Variants in PDE4D observed in about 807,000 individuals in gnomAD.
PDE4D encodes the protein 3',5'-cyclic-AMP phosphodiesterase 4D.
In PDE4D, 24 loss-of-function variants were observed where a neutral mutation model predicts 87.4. The observed-to-expected ratio is 0.27, with a 90% CI of 0.20 to 0.39. PDE4D has a LOEUF of 0.39. Ranked by LOEUF, PDE4D falls within the 10% of genes least tolerant of loss-of-function variation. PDE4D has a pLI of 1.00. For synonymous variants in PDE4D, 384 were observed against 383.2 expected, an observed-to-expected ratio of 1.00 and a Z score of -0.02; for missense variants, 714 against 1,041.0, an observed-to-expected ratio of 0.69 and a Z score of 4.32.
At chr5:59,452,322 C>T (rs936004348) in intron 1 of PDE4D, among the ~76,000 whole-genome samples, 11 of 152,090 alleles carry the variant, frequency 7.2e-5, no homozygotes, top group Non-Finnish European at 1.0e-4. Context: ...AAACAGCTTC[C>T]GACTAAGCTA....
intron 1 of PDE4D, among the ~76,000 whole-genome samples, chr5:59,625,050 A>AT (rs1830739133): frequency 6.6e-6 from 1 of 152,192 alleles, no homozygotes; most frequent in Non-Finnish European, 1.5e-5. Flanking sequence ...GGAAAAAGGA[A>AT]TTTTTGTAGA....
intron 3 of PDE4D, among the ~76,000 whole-genome samples, chr5:59,899,771 C>A (rs1343263972): frequency 1.3e-5 from 2 of 152,108 alleles, no homozygotes; most frequent in Non-Finnish European, 2.9e-5. Context: ...AAAGACATGG[C>A]AGCCAGCTTG....
chr5:59,612,480 C>T (rs1829138740), intron 1 of PDE4D, among the ~76,000 whole-genome samples: 1 of 151,998 alleles, frequency 6.6e-6, no homozygotes, highest in East Asian at 1.9e-4. Context: ...TTGACTGCCA[C>T]CATATGCTAA....
intron 1 of PDE4D, chr5:59,768,552 C>T (rs1173038807): frequency 6.3e-7 from 1 of 1,591,504 alleles, no homozygotes; most frequent in Non-Finnish European, 8.5e-7. Flanking sequence ...TCCAGGGCAA[C>T]GTGGTTCCCT....
At chr5:59,864,954 GCAGA>G (rs1475257309) in intron 1 of PDE4D, among the ~76,000 whole-genome samples, 1 of 152,182 alleles carries the variant, frequency 6.6e-6, no homozygotes, top group Middle Eastern at 3.2e-3. Flanking sequence ...CAGCACAGCA[GCAGA>G]CAGTCTCAGT....
At chr5:59,697,352 T>C (rs1263013170) in intron 1 of PDE4D, among the ~76,000 whole-genome samples, 3 of 152,118 alleles carry the variant, frequency 2.0e-5, no homozygotes, top group South Asian at 2.1e-4. Flanking sequence ...AAGAGGCACA[T>C]AGAGGGCCAA....
At chr5:59,008,514 T>G (rs1380661554) in intron 6 of PDE4D, among the ~76,000 whole-genome samples, 1 of 152,054 alleles carries the variant, frequency 6.6e-6, no homozygotes, top group Non-Finnish European at 1.5e-5. Context: ...CAACAAAGAA[T>G]GCTTGAACAA....
rs150730390 is a variant in PDE4D, at chr5:58,970,777, A to G, written c.*3887T>C. 222 of 152,246 alleles carry G rather than the reference A, an allele frequency of 1.5e-3. No individual in the cohort carries two copies. Among genetic ancestry groups the G allele is most frequent in the African/African-American group, 4.9e-3 (205 of 41,546 alleles). The allele number at this position is 152,246 out of a possible 1,614,324, so 9.4% of individuals were successfully genotyped here. A position where few individuals can be genotyped will look rare whatever the true frequency, so the allele number is the denominator to read the frequency against. ...TGATGAATAGATAACCAACACGAGT[A>G]AACTCTGGCTCCAATTTCAAATCAA... On this transcript the variant is annotated 3_prime_UTR_variant, in exon 15 of 15. Coordinates refer to ENST00000340635, the MANE Select transcript of PDE4D (RefSeq NM_001104631.2).
At chr5:60,303,717 A>G (rs1754157912) in intron 1 of PDE4D, among the ~76,000 whole-genome samples, 1 of 152,138 alleles carries the variant, frequency 6.6e-6, no homozygotes. Context: ...ACTTCCGGTT[A>G]TGTGATTAAT....
rs529078753 is a variant in PDE4D at position 59,488,166 on chromosome 5, C to CAA, written c.456-272200_456-272199dup. On this transcript the variant is annotated intron_variant, in intron 1 of 14. Transcript: ENST00000340635. The stretch of plus-strand genomic sequence containing the variant: ...TAAATCTTCTGACATCATCAAGAGC[C>CAA]AAAAAAAAAAAAAAAAAAAAAATGT... Among the ~76,000 whole-genome samples the CAA allele has an allele frequency of 3.7e-4, 40 of 107,284 alleles. No individual in the cohort carries two copies. The East Asian group carries it at 6.2e-3, about 17-fold the overall frequency. The allele number at this position is 107,284 out of a possible 152,430, so 70.4% of individuals were successfully genotyped here. A position where few individuals can be genotyped will look rare whatever the true frequency, so the allele number is the denominator to read the frequency against.
intron 3 of PDE4D, among the ~76,000 whole-genome samples, chr5:59,963,064 A>G (rs1182105438): frequency 1.3e-5 from 2 of 152,160 alleles, no homozygotes; most frequent in Non-Finnish European, 2.9e-5. Context: ...GTGTTATAGA[A>G]AGGGACACAA....
Position 59,341,771 on chromosome 5 carries a change from T to C in PDE4D, c.456-125803A>G, listed in dbSNP as rs372633971. On this transcript the variant is annotated intron_variant, in intron 1 of 14. Coordinates refer to ENST00000340635, the MANE Select transcript of PDE4D (RefSeq NM_001104631.2). ...CTTTTCCTTTGAATCATGGGCACTA[T>C]AGAAAAGCATAAAATCAGTCTTGTT... Among the ~76,000 whole-genome samples the C allele has an allele frequency of 1.8e-3, 273 of 152,282 alleles. 1 individual carries two copies. The highest frequency in any genetic ancestry group is 6.0e-3 in the African/African-American group (250 of 41,558).
intron 6 of PDE4D, among the ~76,000 whole-genome samples, chr5:59,013,508 G>A (rs527402212): frequency 9.4e-5 from 13 of 138,798 alleles, no homozygotes; most frequent in Admixed American, 1.4e-4. Context: ...TACCATCAGA[G>A]AATAACACCT....
intron 1 of PDE4D, among the ~76,000 whole-genome samples, chr5:59,285,942 A>G (rs931333311): frequency 6.6e-6 from 1 of 152,314 alleles, no homozygotes; most frequent in African/African-American, 2.4e-5. Context: ...GTGTTGTCCA[A>G]TCTGCAACCC....
chr5:60,097,038 G>A (rs1775745708), intron 2 of PDE4D, among the ~76,000 whole-genome samples: 1 of 152,024 alleles, frequency 6.6e-6, no homozygotes, highest in South Asian at 2.1e-4. Flanking sequence ...GCATTTAGAA[G>A]TGTGAATTCT....
intron 1 of PDE4D, among the ~76,000 whole-genome samples, chr5:59,726,512 G>C (rs1237088977): frequency 6.6e-6 from 1 of 152,100 alleles, no homozygotes; most frequent in Non-Finnish European, 1.5e-5. Flanking sequence ...AGAAGGCACT[G>C]ACTGCAAGCC....
intron 1 of PDE4D, among the ~76,000 whole-genome samples, chr5:60,452,715 C>T (rs1323692234): frequency 6.6e-6 from 1 of 152,102 alleles, no homozygotes; most frequent in East Asian, 1.9e-4. Flanking sequence ...GGGAACATTT[C>T]TTGCCATTTT....
At chr5:60,343,873 C>T (rs1031792750) in intron 1 of PDE4D, among the ~76,000 whole-genome samples, 3 of 152,016 alleles carry the variant, frequency 2.0e-5, no homozygotes, top group East Asian at 3.9e-4. Flanking sequence ...TGCTAATATT[C>T]GGGTTGTTTA....
At chr5:59,965,482 C>T (rs1352825419) in intron 3 of PDE4D, among the ~76,000 whole-genome samples, 2 of 152,132 alleles carry the variant, frequency 1.3e-5, no homozygotes, top group Non-Finnish European at 2.9e-5. Context: ...CTATGTGACT[C>T]CAATGCATAT....
Sources: allele counts gnomAD v4.1 joint callset (sites outside exome capture counted in the v4.1 genomes callset), GRCh38; gene constraint gnomAD v4.1.1; transcripts MANE v1.5; gene names NCBI Gene and HGNC (gene_info 2026-07-23, HGNC 2026-07-21).